Variants in NPSR1 observed in about 807,000 individuals in gnomAD.
NPSR1 encodes the protein neuropeptide S receptor 1.
A neutral mutation model predicts 46.9 loss-of-function variants in NPSR1; 48 were observed. The observed-to-expected ratio is 1.02, with a 90% confidence interval of 0.81 to 1.30. The LOEUF (loss-of-function observed/expected upper bound fraction) is 1.30. Ranked by LOEUF, NPSR1 falls within the 50% of genes most tolerant of loss-of-function variation. NPSR1 has a pLI of 0.00. For missense variants in NPSR1, 450 were observed against 449.5 expected, an observed-to-expected ratio of 1.00 and a Z score of -0.01; for synonymous variants, 176 against 168.1, an observed-to-expected ratio of 1.05 and a Z score of -0.36.
chr7:34,711,030 T>A (rs780132510), intron 2 of NPSR1: 1 of 360,210 alleles, frequency 2.8e-6, no homozygotes, highest in Non-Finnish European at 5.4e-6. Flanking sequence ...TTGGCATTTG[T>A]CATCAGGATC....
chr7:34,798,364 G>C (rs184413316), intron 3 of NPSR1, among the ~76,000 whole-genome samples: 1 of 152,018 alleles, frequency 6.6e-6, no homozygotes. Context: ...GTGAAACCCC[G>C]TGTCTACTAA....
intron 2 of NPSR1, among the ~76,000 whole-genome samples, chr7:34,776,143 T>C (rs1204796287): frequency 6.6e-6 from 1 of 152,166 alleles, no homozygotes; most frequent in East Asian, 1.9e-4. Context: ...GGCTTTTTAG[T>C]GATTTAACAT....
chr7:34,806,569 T>C (rs1788707961), intron 3 of NPSR1, among the ~76,000 whole-genome samples: 2 of 152,094 alleles, frequency 1.3e-5, no homozygotes, highest in Non-Finnish European at 2.9e-5. Flanking sequence ...TCTTCTGATA[T>C]TATAATGGTG....
intron 3 of NPSR1, among the ~76,000 whole-genome samples, chr7:34,791,253 A>T (rs1224598652): frequency 3.6e-5 from 5 of 139,622 alleles, no homozygotes; most frequent in African/African-American, 1.1e-4. Flanking sequence ...GTTATATGTT[A>T]TATATTATAT....
chr7:34,728,047 T>G (rs1261899100), intron 2 of NPSR1, among the ~76,000 whole-genome samples: 1 of 149,192 alleles, frequency 6.7e-6, no homozygotes, highest in African/African-American at 2.4e-5. Flanking sequence ...AACAAAAAAC[T>G]GCCTTTATTT....
At chr7:34,783,935 A>G (rs776145865) in intron 3 of NPSR1, among the ~76,000 whole-genome samples, 55 of 152,292 alleles carry the variant, frequency 3.6e-4, no homozygotes, top group Non-Finnish European at 7.1e-4. Context: ...TCAAGTAGAG[A>G]GAAAGATTTC....
intron 6 of NPSR1, among the ~76,000 whole-genome samples, chr7:34,838,542 G>A (rs534410353): frequency 6.6e-5 from 10 of 152,162 alleles, no homozygotes; most frequent in African/African-American, 1.9e-4. Context: ...AGCTGGGTCC[G>A]CATGCCAGGA....
chr7:34,700,846 T>C (rs1793792514), intron 2 of NPSR1, among the ~76,000 whole-genome samples: 1 of 152,164 alleles, frequency 6.6e-6, no homozygotes, highest in African/African-American at 2.4e-5. Flanking sequence ...ATAATGAATA[T>C]AAAGTGCCTA....
chr7:34,692,863 G>A (rs144094108), intron 2 of NPSR1, among the ~76,000 whole-genome samples: 5 of 152,274 alleles, frequency 3.3e-5, no homozygotes, highest in African/African-American at 1.2e-4. Context: ...AATCAGAAAT[G>A]ATAAAGATGA....
At chr7:34,689,253 A>G (rs1168048271) in intron 2 of NPSR1, among the ~76,000 whole-genome samples, 1 of 152,212 alleles carries the variant, frequency 6.6e-6, no homozygotes, top group Non-Finnish European at 1.5e-5. Flanking sequence ...AGTCAGCTGC[A>G]GCTGAACTTT....
chr7:34,688,304 G>A (rs1159783017), intron 2 of NPSR1, among the ~76,000 whole-genome samples: 1 of 152,036 alleles, frequency 6.6e-6, no homozygotes, highest in Non-Finnish European at 1.5e-5. Context: ...AACCAGGAAG[G>A]CAACAATACA....
Position 34,729,076 on chromosome 7 carries a change from T to G in NPSR1, c.280+44392T>G, listed in dbSNP as rs1477127982. Among the ~76,000 whole-genome samples the G allele has an allele frequency of 8.5e-5, 13 of 152,118 alleles. 1 individual carries two copies. Among genetic ancestry groups the G allele is most frequent in the Admixed American group, 7.2e-4 (11 of 15,278 alleles). On this transcript the variant is annotated intron_variant, in intron 2 of 8. Transcript: ENST00000360581. The stretch of plus-strand genomic sequence containing the variant: ...GCTATAGTCATCACCCACTCAGAGG[T>G]TCAGCTCTGAACAAACCCCTTCTGA...
At chr7:34,681,944 CTT>C (rs147072642) in intron 1 of NPSR1, among the ~76,000 whole-genome samples, 292 of 152,260 alleles carry the variant, frequency 1.9e-3, no homozygotes, top group African/African-American at 6.8e-3. Context: ...ACCAAAGACA[CTT>C]TTTGAGAGAG....
At chr7:34,827,629 A>T in intron 5 of NPSR1, 27 bp downstream of exon 5, 1 of 304,060 alleles carries the variant, frequency 3.3e-6, no homozygotes, top group Non-Finnish European at 6.0e-6. Context: ...ACAGGACCAC[A>T]CGGGGGGGTG....
chr7:34,751,960 T>G (rs1362504190), intron 2 of NPSR1: 2 of 1,088,526 alleles, frequency 1.8e-6, no homozygotes, highest in East Asian at 4.7e-5. Context: ...GGGTGACGTT[T>G]GCCCAGAGAA....
intron 6 of NPSR1, among the ~76,000 whole-genome samples, chr7:34,842,673 T>C (rs1371911297): frequency 6.6e-6 from 1 of 152,258 alleles, no homozygotes; most frequent in Non-Finnish European, 1.5e-5. Flanking sequence ...GGGTATGCTT[T>C]AAGAACTATG....
At chr7:34,662,303 T>C (rs1791494736) in intron 1 of NPSR1, among the ~76,000 whole-genome samples, 1 of 152,196 alleles carries the variant, frequency 6.6e-6, no homozygotes, top group Non-Finnish European at 1.5e-5. Flanking sequence ...ACACAGTTTG[T>C]TCCCTTTGTT....
At chr7:34,713,796 G>T (rs571303071) in intron 2 of NPSR1, among the ~76,000 whole-genome samples, 1 of 152,340 alleles carries the variant, frequency 6.6e-6, no homozygotes, top group African/African-American at 2.4e-5. Flanking sequence ...TCCCAGGCCT[G>T]TCCCGGATCC....
intron 2 of NPSR1, among the ~76,000 whole-genome samples, chr7:34,748,070 G>A (rs1454760536): frequency 6.6e-6 from 1 of 152,120 alleles, no homozygotes; most frequent in Non-Finnish European, 1.5e-5. Flanking sequence ...CAGCAAAAGG[G>A]CCTCTAATTC....
Sources: gnomAD v4.1 joint callset for allele counts (sites outside exome capture counted in the v4.1 genomes callset) on GRCh38, gnomAD v4.1.1 for gene constraint, MANE v1.5 for transcripts, NCBI Gene and HGNC (gene_info 2026-07-23, HGNC 2026-07-21) for gene names.